The following RPS6KA2 variants were observed in gnomAD, a reference collection of about 807,000 sequenced individuals.
RPS6KA2 encodes the protein ribosomal protein S6 kinase alpha-2.
A neutral mutation model predicts 91.8 loss-of-function variants in RPS6KA2; 42 were observed. The observed-to-expected ratio is 0.46, with a 90% CI of 0.36 to 0.59. The LOEUF is 0.59. Among genes scored for constraint, RPS6KA2 ranks in the 20% least tolerant of loss-of-function variants. RPS6KA2 has a pLI of 0.00. For synonymous variants in RPS6KA2, 414 were observed against 393.6 expected (o/e 1.05, Z -0.61); for missense variants, 798 against 978.5 (o/e 0.82, Z 2.46).
In RPS6KA2 at chr6:166,722,824, G is replaced by A. The variant is rs551868938; in HGVS notation, c.123+135376C>T. Among the ~76,000 whole-genome samples the A allele has an allele frequency of 5.9e-5, 9 of 152,288 alleles. No homozygotes were observed. In the South Asian group the frequency reaches 1.2e-3, roughly 21 times the overall value. ...CCTCCAGTGACACTTCAGTTTCCAT[G>A]AGCTTCAATCGCTGCATTTTCAGCC... On this transcript the variant is annotated intron_variant, in intron 2 of 21. Transcript: ENST00000503859.
rs563634976 is a variant in RPS6KA2 at position 166,542,065 on chromosome 6, C to T, written c.100-3281G>A. 2.4e-3 allele frequency among the ~76,000 whole-genome samples: 362 copies of T among 152,318 alleles called. 2 individuals carry two copies. Among genetic ancestry groups the T allele is most frequent in the African/African-American group, 8.3e-3 (345 of 41,566 alleles). On this transcript the variant is annotated intron_variant, in intron 1 of 20. Coordinates refer to ENST00000265678, the MANE Select transcript of RPS6KA2 (RefSeq NM_021135.6). Reference sequence around the variant, plus strand: ...CTGGAGGATGCTTAACTTTCTTTTTCACTTTCCCCAAAACGAAAACAAAAC... The same window carrying T: ...CTGGAGGATGCTTAACTTTCTTTTTTACTTTCCCCAAAACGAAAACAAAAC...
chr6:166,805,118 G>A (rs1427637354), intron 2 of RPS6KA2, among the ~76,000 whole-genome samples: 1 of 152,212 alleles, frequency 6.6e-6, no homozygotes, highest in Non-Finnish European at 1.5e-5. Flanking sequence ...GCATCTCACA[G>A]GGGATGTCTC....
Position 166,412,786 on chromosome 6 carries a change from C to T in RPS6KA2, c.2178G>A (p.Lys726=), listed in dbSNP as rs749877505. Residue 726 remains lysine, a synonymous_variant, in exon 21 of 21, where the codon AAG becomes AAA. Coordinates refer to ENST00000265678, the MANE Select transcript of RPS6KA2 (RefSeq NM_021135.6). This position sits in a 1 kb window ranked among gnomAD's most constrained non-coding sequence, Gnocchi z 4.3. ...GCTACAGCCGCGTGGACGTGAGTCT[C>T]TTCATGCCTCTGCGCTGAGCCAGGT... ...SSNLAQRRGM[K]RLTSTRL 2 of 1,597,502 alleles carry T rather than the reference C, an allele frequency of 1.3e-6. No individual in the cohort carries two copies. The highest frequency in any genetic ancestry group is 4.5e-5 in the East Asian group (2 of 44,248).
At chr6:166,622,032 T>G (rs1786655592) in intron 1 of RPS6KA2, among the ~76,000 whole-genome samples, 1 of 152,168 alleles carries the variant, frequency 6.6e-6, no homozygotes, top group Non-Finnish European at 1.5e-5. Flanking sequence ...GTGAACATAG[T>G]TCCTTTTTTA....
intron 1 of RPS6KA2, among the ~76,000 whole-genome samples, chr6:166,568,621 GAAAAAAAAAAAAAAAAAAAAAAAAAAA>G (rs60613942): frequency 6.6e-5 from 3 of 45,532 alleles, no homozygotes; most frequent in Non-Finnish European, 8.2e-5. Flanking sequence ...CTCCATCTCA[GAAAAAAAAAAAAAAAAAAAAAAAAAAA>G]AAAAAAAAAA....
chr6:166,457,186 T>C (rs1344318326), intron 12 of RPS6KA2, among the ~76,000 whole-genome samples: 1 of 152,220 alleles, frequency 6.6e-6, no homozygotes, highest in Non-Finnish European at 1.5e-5. Context: ...CTTGTGGACT[T>C]AGGGACAACG....
intron 2 of RPS6KA2, among the ~76,000 whole-genome samples, chr6:166,655,770 G>A (rs555844952): frequency 2.6e-5 from 4 of 152,194 alleles, no homozygotes; most frequent in Non-Finnish European, 4.4e-5. Flanking sequence ...CTGGGCTGGC[G>A]AGAGTGTGAA....
In RPS6KA2 at chr6:166,737,039, A is replaced by G. The variant is rs78502998; in HGVS notation, c.123+121161T>C. On this transcript the variant is annotated intron_variant, in intron 2 of 21. Coordinates refer to the RPS6KA2 transcript ENST00000503859. The surrounding 1 kb of genome is among the most constrained non-coding windows in gnomAD (Gnocchi z 4.3). ...GAAAAGGGGGCAGGAAGGGAAAGAG[A>G]GCGGCAAAGCGCATGGAGCCTACGC... Among the ~76,000 whole-genome samples, 3,319 of 152,246 alleles carry G rather than the reference A, an allele frequency of 0.022. 86 individuals are homozygous for G. Among genetic ancestry groups the G allele is most frequent in the East Asian group, 0.1 (524 of 5,166 alleles).
intron 2 of RPS6KA2, among the ~76,000 whole-genome samples, chr6:166,711,247 G>A (rs531206191): frequency 7.8e-5 from 11 of 141,306 alleles, no homozygotes; most frequent in African/African-American, 2.8e-4. Flanking sequence ...TAATGAGGTG[G>A]TGCCCCCACT....
At chr6:166,713,576 G>C (rs1789929250) in intron 2 of RPS6KA2, among the ~76,000 whole-genome samples, 1 of 152,204 alleles carries the variant, frequency 6.6e-6, no homozygotes, top group South Asian at 2.1e-4. Context: ...GCATGATATG[G>C]AGAGAAAATA....
chr6:166,421,213 T>C lies in RPS6KA2; in HGVS notation c.1744-1255A>G, dbSNP rs918066361. 2.0e-5 allele frequency among the ~76,000 whole-genome samples: 3 copies of C among 152,214 alleles called. No individual in the cohort carries two copies. The East Asian group carries it at 5.8e-4, about 29-fold the overall frequency. ...TAGATTTTACCCTGCCTACTTTGTA[T>C]GGTGGATGAGAGTGAAAGTAAAAAA... On this transcript the variant is annotated intron_variant, in intron 17 of 20. Coordinates refer to ENST00000265678, the MANE Select transcript of RPS6KA2 (RefSeq NM_021135.6).
intron 3 of RPS6KA2, among the ~76,000 whole-genome samples, chr6:166,525,197 C>T (rs1583239696): frequency 6.6e-6 from 1 of 152,256 alleles, no homozygotes; most frequent in East Asian, 1.9e-4. Context: ...AATCAAGTTC[C>T]CTTACAATAC....
At chr6:166,751,452 G>A (rs776532733) in intron 2 of RPS6KA2, among the ~76,000 whole-genome samples, 2 of 152,266 alleles carry the variant, frequency 1.3e-5, no homozygotes, top group African/African-American at 4.8e-5. Flanking sequence ...AGCAGAGCCT[G>A]TAACCCCTCA....
In RPS6KA2 at chr6:166,508,423, C is replaced by T; in HGVS notation, c.380-141G>A. 1 of 627,144 alleles carries T rather than the reference C, an allele frequency of 1.6e-6. No individual in the cohort carries two copies. Among genetic ancestry groups the T allele is most frequent in the Non-Finnish European group, 2.9e-6 (1 of 345,988 alleles). 38.8% of individuals were successfully genotyped at this position (627,144 alleles called of 1,614,324 possible). A position where few individuals can be genotyped will look rare whatever the true frequency, so the allele number is the denominator to read the frequency against. On this transcript the variant is annotated intron_variant, in intron 4 of 20. Coordinates refer to ENST00000265678, the MANE Select transcript of RPS6KA2 (RefSeq NM_021135.6). The surrounding 1 kb of genome is among the most constrained non-coding windows in gnomAD (Gnocchi z 4.3). ...GAAACGGCAGGACCCCGGCTGGTGA[C>T]CAGCTCAGAGGGGCAGCACCCGGCA... is the stretch of plus-strand genomic sequence containing the variant.
At chr6:166,591,659 G>T (rs1785358354) in intron 1 of RPS6KA2, among the ~76,000 whole-genome samples, 2 of 152,160 alleles carry the variant, frequency 1.3e-5, no homozygotes, top group Admixed American at 6.5e-5. Context: ...ATCCTCCCAG[G>T]GCGTTGGAGA....
chr6:166,707,782 A>C (rs542457704), intron 2 of RPS6KA2, among the ~76,000 whole-genome samples: 11 of 151,752 alleles, frequency 7.2e-5, no homozygotes, highest in Non-Finnish European at 1.2e-4. Flanking sequence ...TTTGTTGCCC[A>C]GGCTGAAGTA....
intron 2 of RPS6KA2, among the ~76,000 whole-genome samples, chr6:166,853,008 G>A (rs541528643): frequency 4.6e-5 from 7 of 152,194 alleles, no homozygotes; most frequent in Non-Finnish European, 8.8e-5. Context: ...AAGTACCCCC[G>A]TAGCCACAAG....
chr6:166,456,406 A>G (rs556904298), intron 12 of RPS6KA2, among the ~76,000 whole-genome samples: 2 of 152,380 alleles, frequency 1.3e-5, no homozygotes, highest in Non-Finnish European at 1.5e-5. Flanking sequence ...AAGGAGATGT[A>G]GAACTACAGT....
chr6:166,851,286 C>T (rs538693798), intron 2 of RPS6KA2, among the ~76,000 whole-genome samples: 1 of 152,348 alleles, frequency 6.6e-6, no homozygotes, highest in South Asian at 2.1e-4. Flanking sequence ...GACACCCAAA[C>T]TGGATCTCAT....
Sources: allele counts gnomAD v4.1 joint callset (sites outside exome capture counted in the v4.1 genomes callset), GRCh38; gene constraint gnomAD v4.1.1; non-coding constraint Gnocchi (gnomAD v3.1); transcripts MANE v1.5; gene names NCBI Gene and HGNC (gene_info 2026-07-23, HGNC 2026-07-21).